MEAK7: variants seen among roughly 807,000 people sequenced by gnomAD.
The protein encoded by MEAK7 is MTOR associated protein MEAK7, also known as MTOR-associated protein MEAK7.
Under a neutral mutation model 40.5 loss-of-function variants are expected in MEAK7, and 68 were observed. The ratio of observed to expected loss-of-function variants is 1.68; its 90% CI spans 1.38 to 2.06. The LOEUF is 2.06. MEAK7 is among the 30% of genes most tolerant of loss of function. MEAK7 has a pLI of 0.00. For missense variants in MEAK7, 918 were observed against 580.5 expected, an observed-to-expected ratio of 1.58 and a Z score of -5.98; for synonymous variants, 338 against 231.9, an observed-to-expected ratio of 1.46 and a Z score of -4.16.
Position 84,494,047 on chromosome 16 carries a change from GAAATA to G in MEAK7, c.384+1631_384+1635del, listed in dbSNP as rs570739113. On this transcript the variant is annotated intron_variant, in intron 3 of 7. Coordinates refer to ENST00000343629, the MANE Select transcript of MEAK7 (RefSeq NM_020947.4). ...TTAGAAAGGTCTAATCTAAAAAAAT[GAAATA>G]AAATAAAATAAAATAAATAAAAATG... is the stretch of plus-strand genomic sequence containing the variant. 9.9e-5 allele frequency among the ~76,000 whole-genome samples: 15 copies of G among 152,144 alleles called. No individual in the cohort carries two copies. In the South Asian group the frequency reaches 1.7e-3, roughly 17 times the overall value.
chr16:84,495,553 G>A (rs931462418), intron 3 of MEAK7, 130 bp downstream of exon 3: 13 of 825,756 alleles, frequency 1.6e-5, no homozygotes, highest in Admixed American at 4.9e-5. Flanking sequence ...AATAAACTCC[G>A]ATTAATTGAA....
At chr16:84,485,439 G>A (rs111717757) in intron 5 of MEAK7, among the ~76,000 whole-genome samples, 2,788 of 152,228 alleles carry the variant, frequency 0.018, 43 homozygotes, top group African/African-American at 0.047. Context: ...TCCTGCAAGG[G>A]CAACTCCACC....
intron 1 of MEAK7, among the ~76,000 whole-genome samples, chr16:84,500,855 A>C (rs1001407238): frequency 6.6e-6 from 1 of 152,096 alleles, no homozygotes; most frequent in Non-Finnish European, 1.5e-5. Flanking sequence ...AAGAGCCTGC[A>C]AGGTGGGCCA....
chr16:84,498,247 T>A, intron 1 of MEAK7, 136 bp from the exon 2 acceptor site: 1 of 1,078,966 alleles, frequency 9.3e-7, no homozygotes, highest in Non-Finnish European at 1.3e-6. Context: ...CAGAGCTACA[T>A]AATACTGGGT....
Position 84,483,150 on chromosome 16 carries a change from G to A in MEAK7, c.959-440C>T, listed in dbSNP as rs140367841. On this transcript the variant is annotated intron_variant, in intron 5 of 7. Transcript: ENST00000343629. ...AGTGCTGACCCCGGCCTGAAAGAAC[G>A]TACCATGCAGAGAGAGAAAACCTGC... Among the ~76,000 whole-genome samples, 590 of 152,308 alleles carry A rather than the reference G, an allele frequency of 3.9e-3. 1 individual carries two copies. Among genetic ancestry groups the A allele is most frequent in the Middle Eastern group, 0.031 (9 of 294 alleles).
chr16:84,491,814 G>GT (rs977489746), intron 3 of MEAK7, among the ~76,000 whole-genome samples: 2 of 149,416 alleles, frequency 1.3e-5, no homozygotes, highest in African/African-American at 4.9e-5. Context: ...TCCAGCCTCG[G>GT]TGAAGGCGCA....
intron 6 of MEAK7, among the ~76,000 whole-genome samples, chr16:84,480,990 G>A (rs1912485974): frequency 6.6e-6 from 1 of 152,202 alleles, no homozygotes; most frequent in Admixed American, 6.5e-5. Flanking sequence ...TGACATCAGA[G>A]AATTAAAAAT....
Position 84,477,574 on chromosome 16 carries a change from G to A in MEAK7, c.*2339C>T, listed in dbSNP as rs1222528297. The A allele has an allele frequency of 3.3e-5, 5 of 150,714 alleles. No homozygotes were observed. In the South Asian group the frequency reaches 8.4e-4, roughly 25 times the overall value. The allele number at this position is 150,714 out of a possible 1,614,324, so 9.3% of individuals were successfully genotyped here. Reference sequence around the variant, plus strand: ...AATCATTTATAATAGTTTGCAACGCGGACAAATTTTTTTTTTAACCCCTTC... The same window carrying A: ...AATCATTTATAATAGTTTGCAACGCAGACAAATTTTTTTTTTAACCCCTTC... On this transcript the variant is annotated 3_prime_UTR_variant, in exon 8 of 8. Coordinates refer to ENST00000343629, the MANE Select transcript of MEAK7 (RefSeq NM_020947.4).
At chr16:84,492,684 C>A (rs941059051) in intron 3 of MEAK7, among the ~76,000 whole-genome samples, 1 of 152,032 alleles carries the variant, frequency 6.6e-6, no homozygotes, top group South Asian at 2.1e-4. Flanking sequence ...CGAGTTCAAG[C>A]GATTCTCCTG....
chr16:84,496,148 T>A (rs1434155301), intron 2 of MEAK7, among the ~76,000 whole-genome samples: 1 of 152,204 alleles, frequency 6.6e-6, no homozygotes, highest in East Asian at 1.9e-4. Context: ...GTGATTCCCA[T>A]GGCTTTCTTG....
In MEAK7 at chr16:84,495,235, C is replaced by T. The variant is rs189659517; in HGVS notation, c.384+448G>A. Among the ~76,000 whole-genome samples the T allele has an allele frequency of 2.1e-3, 314 of 152,306 alleles. 1 individual carries two copies. The highest frequency in any genetic ancestry group is 6.8e-3 in the Middle Eastern group (2 of 294). On this transcript the variant is annotated intron_variant, in intron 3 of 7. Transcript: ENST00000343629. The stretch of plus-strand genomic sequence containing the variant: ...AGTGAGTCAAGATCGCGCCACTCAA[C>T]TCCAGCCTGGGTGACAGATCAAGAC...
At chr16:84,487,393 T>G in intron 4 of MEAK7, 1 of 291,214 alleles carries the variant, frequency 3.4e-6, no homozygotes, top group South Asian at 4.4e-5. Flanking sequence ...ACATGGGGCT[T>G]GCTTTGTCTA....
At chr16:84,484,179 C>A (rs1267852723) in intron 5 of MEAK7, among the ~76,000 whole-genome samples, 1 of 152,202 alleles carries the variant, frequency 6.6e-6, no homozygotes. Context: ...TCCTAGTCCA[C>A]CCCCAAGGGC....
At chr16:84,484,617 T>C (rs916981777) in intron 5 of MEAK7, among the ~76,000 whole-genome samples, 2 of 152,208 alleles carry the variant, frequency 1.3e-5, no homozygotes, top group Admixed American at 6.5e-5. Flanking sequence ...GAAGCCACAT[T>C]ACCCCGCAGG....
intron 1 of MEAK7, among the ~76,000 whole-genome samples, chr16:84,499,229 ATG>A (rs1420700522): frequency 1.3e-5 from 2 of 152,232 alleles, no homozygotes; most frequent in African/African-American, 4.8e-5. Flanking sequence ...ATGGTTGGAA[ATG>A]AAAACAAACA....
intron 2 of MEAK7, chr16:84,497,509 A>G: frequency 2.3e-6 from 3 of 1,290,450 alleles, no homozygotes; most frequent in Middle Eastern, 4.3e-4. Context: ...CTGTCTCCCC[A>G]TCTCTGGGAG....
chr16:84,499,138 C>G (rs984335824), intron 1 of MEAK7, among the ~76,000 whole-genome samples: 2 of 152,138 alleles, frequency 1.3e-5, no homozygotes, highest in Non-Finnish European at 2.9e-5. Context: ...GAGCAGGTGA[C>G]CTGGGGCCTT....
chr16:84,480,753 G>A, intron 6 of MEAK7, 45 bp from the exon 7 acceptor site: 1 of 1,551,920 alleles, frequency 6.4e-7, no homozygotes, highest in African/African-American at 1.4e-5. Context: ...CAACTCCTCA[G>A]GGTCTGTGGA....
intron 4 of MEAK7, 134 bp downstream of exon 4, chr16:84,489,144 C>A (rs1268306008): frequency 6.7e-6 from 8 of 1,186,420 alleles, no homozygotes; most frequent in Non-Finnish European, 8.9e-6. Context: ...TGCCAACAAA[C>A]TAGAAAACCT....
Sources: allele counts gnomAD v4.1 joint callset (sites outside exome capture counted in the v4.1 genomes callset), GRCh38; gene constraint gnomAD v4.1.1; transcripts MANE v1.5; gene names NCBI Gene and HGNC (gene_info 2026-07-23, HGNC 2026-07-21).